The following DAB1 variants were observed in gnomAD, a reference collection of about 807,000 sequenced individuals.
DAB1 encodes DAB adaptor protein 1, also known as disabled homolog 1.
In DAB1, 15 loss-of-function variants were observed where a neutral mutation model predicts 64.6. That is an observed-to-expected ratio of 0.23 (90% confidence interval 0.16 to 0.36). The LOEUF is 0.36. Ranked by LOEUF, DAB1 falls within the 10% of genes least tolerant of loss-of-function variation. The probability of loss-of-function intolerance (pLI) is 1.00; values close to 1 mark genes in which losing one functional copy is unlikely to be tolerated. For missense variants in DAB1, 596 were observed against 706.7 expected (o/e 0.84, Z 1.78); for synonymous variants, 235 against 251.9 (o/e 0.93, Z 0.64).
intron 1 of DAB1, among the ~76,000 whole-genome samples, chr1:57,371,199 G>A (rs922754363): frequency 4.6e-5 from 7 of 152,188 alleles, no homozygotes; most frequent in African/African-American, 1.7e-4. Flanking sequence ...GACAACCGAG[G>A]CATGGAGACT....
At position 57,978,561 on chromosome 1, in the gene DAB1, CA is replaced by C. The variant is rs563992896; in HGVS notation, n.388-94400del. 3.9e-5 allele frequency among the ~76,000 whole-genome samples: 6 copies of C among 152,242 alleles called. No individual in the cohort carries two copies. In the South Asian group the frequency reaches 1.2e-3, roughly 32 times the overall value. ...CAATGGCAACAAAAGCCAAAATTGACAAATGGGATCTAATTAAACTAAACGG... is the reference window on the plus strand; with the variant it reads ...CAATGGCAACAAAAGCCAAAATTGACAATGGGATCTAATTAAACTAAACGG... On this transcript the variant is annotated intron_variant and non_coding_transcript_variant, in intron 5 of 20. Transcript: ENST00000485760.
At chr1:57,592,632 T>G (rs1310319634) in intron 7 of DAB1, among the ~76,000 whole-genome samples, 1 of 152,172 alleles carries the variant, frequency 6.6e-6, no homozygotes, top group Non-Finnish European at 1.5e-5. Flanking sequence ...CTGTCTGTAG[T>G]AGACAGCTTG....
chr1:58,473,277 T>C (rs1214557945), intron 3 of DAB1, among the ~76,000 whole-genome samples: 1 of 151,344 alleles, frequency 6.6e-6, no homozygotes, highest in Admixed American at 6.6e-5. Context: ...GCGCGGTGGC[T>C]CACGCCTGTA....
chr1:57,686,900 A>G (rs1182236914), intron 6 of DAB1, among the ~76,000 whole-genome samples: 3 of 152,166 alleles, frequency 2.0e-5, no homozygotes, highest in East Asian at 3.9e-4. Context: ...ACATACCTCA[A>G]AATAATAACT....
At chr1:57,791,131 G>T (rs1409558290) in intron 6 of DAB1, among the ~76,000 whole-genome samples, 2 of 152,126 alleles carry the variant, frequency 1.3e-5, no homozygotes, top group African/African-American at 2.4e-5. Flanking sequence ...CCCTCTAGTA[G>T]CTTATAGTCT....
chr1:57,083,846 T>C (rs1393781916), intron 4 of DAB1, among the ~76,000 whole-genome samples: 1 of 152,200 alleles, frequency 6.6e-6, no homozygotes, highest in Non-Finnish European at 1.5e-5. Flanking sequence ...CCACATCTGA[T>C]GTGTGCTACT....
chr1:58,481,053 G>A (rs147562724), intron 3 of DAB1: 93 of 871,426 alleles, frequency 1.1e-4, no homozygotes, highest in African/African-American at 9.8e-5. Context: ...CTGTTTCTTC[G>A]TGATATTTAG....
intron 2 of DAB1, among the ~76,000 whole-genome samples, chr1:57,206,115 A>G (rs1665516959): frequency 6.6e-6 from 1 of 152,206 alleles, no homozygotes; most frequent in Admixed American, 6.5e-5. Context: ...AACACATTTG[A>G]GTATGTCTGT....
At chr1:57,557,638 G>A (rs1645005660) in intron 7 of DAB1, among the ~76,000 whole-genome samples, 1 of 152,012 alleles carries the variant, frequency 6.6e-6, no homozygotes, top group African/African-American at 2.4e-5. Context: ...AAAATACTAA[G>A]GACTCTATTT....
At chr1:57,586,402 G>C (rs910214917) in intron 7 of DAB1, among the ~76,000 whole-genome samples, 1 of 152,048 alleles carries the variant, frequency 6.6e-6, no homozygotes, top group Admixed American at 6.6e-5. Context: ...CACTGTTCTG[G>C]ACTCTGAGGG....
At chr1:57,538,853 C>G (rs1644761968) in intron 7 of DAB1, among the ~76,000 whole-genome samples, 1 of 152,152 alleles carries the variant, frequency 6.6e-6, no homozygotes, top group African/African-American at 2.4e-5. Flanking sequence ...GCCCACTCAC[C>G]CCCCCTACAA....
intron 9 of DAB1, among the ~76,000 whole-genome samples, chr1:57,026,632 G>A (rs1251952533): frequency 6.6e-6 from 1 of 152,130 alleles, no homozygotes; most frequent in Non-Finnish European, 1.5e-5. Flanking sequence ...AGCACTCTCT[G>A]AAAGAGTCCA....
intron 4 of DAB1, among the ~76,000 whole-genome samples, chr1:58,192,643 GTGTATATA>G (rs1405908875): frequency 6.6e-5 from 10 of 152,234 alleles, no homozygotes; most frequent in African/African-American, 2.4e-4. Context: ...GTGTGTGTAT[GTGTATATA>G]TGTATATATG....
Position 58,343,069 on chromosome 1 carries a change from G to A in DAB1, n.309+283C>T, listed in dbSNP as rs995926440. 1.4e-4 allele frequency among the ~76,000 whole-genome samples: 21 copies of A among 152,182 alleles called. No individual in the cohort carries two copies. In the East Asian group the frequency reaches 4.1e-3, roughly 29 times the overall value. On this transcript the variant is annotated intron_variant and non_coding_transcript_variant, in intron 4 of 20. Transcript: ENST00000485760. ...CCTGCCTCCCTAGCTTCATTCATCA[G>A]TAGTCTCCTATTTGTCTCAAATGTT...
At chr1:57,843,818 C>T (rs987365094) in intron 1 of DAB1, among the ~76,000 whole-genome samples, 3 of 152,142 alleles carry the variant, frequency 2.0e-5, no homozygotes, top group African/African-American at 7.2e-5. Flanking sequence ...TTTTCCTTTG[C>T]TTTCTCTTAG....
chr1:58,511,217 T>C (rs1646071995), intron 2 of DAB1, among the ~76,000 whole-genome samples: 1 of 152,128 alleles, frequency 6.6e-6, no homozygotes, highest in Non-Finnish European at 1.5e-5. Context: ...CTTCCTGATT[T>C]CAAAATATAT....
chr1:57,194,852 C>T (rs1664489215), intron 2 of DAB1, among the ~76,000 whole-genome samples: 1 of 152,174 alleles, frequency 6.6e-6, no homozygotes, highest in African/African-American at 2.4e-5. Context: ...CCATTGCTGG[C>T]CACAGCAATC....
intron 4 of DAB1, among the ~76,000 whole-genome samples, chr1:58,249,128 G>A (rs1306067573): frequency 2.6e-5 from 4 of 152,052 alleles, no homozygotes; most frequent in African/African-American, 7.2e-5. Flanking sequence ...TGCCTGCAAA[G>A]TCCACCCATA....
chr1:57,648,029 A>T (rs1343519239), intron 7 of DAB1, among the ~76,000 whole-genome samples: 3 of 152,242 alleles, frequency 2.0e-5, no homozygotes, highest in Non-Finnish European at 2.9e-5. Flanking sequence ...GGCAATCTAG[A>T]AAAGATGACT....
Sources: gnomAD v4.1 joint callset for allele counts (sites outside exome capture counted in the v4.1 genomes callset) on GRCh38, gnomAD v4.1.1 for gene constraint, MANE v1.5 for transcripts, NCBI Gene and HGNC (gene_info 2026-07-23, HGNC 2026-07-21) for gene names.